The following PRKG1 variants were observed in gnomAD, a reference collection of about 807,000 sequenced individuals.
PRKG1 encodes protein kinase cGMP-dependent 1, also known as cGMP-dependent protein kinase 1.
PRKG1 carries 35 observed loss-of-function variants against 88.1 expected under a neutral mutation model. The observed-to-expected ratio is 0.40, with a 90% confidence interval of 0.30 to 0.53. The LOEUF (loss-of-function observed/expected upper bound fraction) is 0.53. PRKG1 is among the 20% of genes least tolerant of loss of function. The pLI is 0.59. For missense variants in PRKG1, 540 were observed against 839.8 expected (o/e 0.64, Z 4.41); for synonymous variants, 303 against 292.5 (o/e 1.04, Z -0.37).
chr10:51,170,892 C>T (rs967201796), intron 2 of PRKG1, among the ~76,000 whole-genome samples: 1 of 151,974 alleles, frequency 6.6e-6, no homozygotes, highest in African/African-American at 2.4e-5. Context: ...AGGATTTGAG[C>T]AAAAGAGCAC....
intron 4 of PRKG1, among the ~76,000 whole-genome samples, chr10:51,848,869 A>G (rs970667910): frequency 6.8e-6 from 1 of 146,898 alleles, no homozygotes; most frequent in African/African-American, 2.6e-5. Context: ...TTTTTTTTTA[A>G]CACTTTCTGT....
chr10:51,891,903 G>A (rs368776686), intron 4 of PRKG1, among the ~76,000 whole-genome samples: 80 of 152,270 alleles, frequency 5.3e-4, no homozygotes, highest in Non-Finnish European at 7.6e-4. Flanking sequence ...TTGTAAATGC[G>A]TCTGTGAAGA....
chr10:51,202,524 T>C (rs1427713656), intron 2 of PRKG1, among the ~76,000 whole-genome samples: 1 of 152,096 alleles, frequency 6.6e-6, no homozygotes, highest in Non-Finnish European at 1.5e-5. Flanking sequence ...GAAAACCCCA[T>C]TTTAGACAGA....
At chr10:51,225,597 A>G (rs1410084807) in intron 2 of PRKG1, among the ~76,000 whole-genome samples, 1 of 152,164 alleles carries the variant, frequency 6.6e-6, no homozygotes, top group Non-Finnish European at 1.5e-5. Flanking sequence ...TGCCATTGCT[A>G]AAGTAGAAAA....
chr10:51,600,580 G>T (rs7911689), intron 3 of PRKG1, among the ~76,000 whole-genome samples: 9,777 of 152,104 alleles, frequency 0.064, 1,016 homozygotes, highest in African/African-American at 0.22. Context: ...TTAATAACGT[G>T]CTATCTCACC....
intron 3 of PRKG1, among the ~76,000 whole-genome samples, chr10:51,476,979 A>G (rs1340929678): frequency 6.6e-6 from 1 of 151,970 alleles, no homozygotes; most frequent in African/African-American, 2.4e-5. Context: ...CGATACTACA[A>G]TTGCATAGGT....
chr10:51,585,673 G>A (rs1046734290), intron 3 of PRKG1, among the ~76,000 whole-genome samples: 21 of 152,058 alleles, frequency 1.4e-4, no homozygotes, highest in East Asian at 3.9e-4. Flanking sequence ...GAACTTGTAC[G>A]TTCATCACAG....
intron 2 of PRKG1, among the ~76,000 whole-genome samples, chr10:51,322,308 A>G (rs543004087): frequency 2.0e-5 from 3 of 152,330 alleles, no homozygotes; most frequent in Non-Finnish European, 4.4e-5. Flanking sequence ...AACTTGAGCA[A>G]ATGCAATCAG....
intron 4 of PRKG1, among the ~76,000 whole-genome samples, chr10:51,904,551 A>C (rs1401648644): frequency 6.6e-6 from 1 of 152,118 alleles, no homozygotes; most frequent in Admixed American, 6.6e-5. Flanking sequence ...TAGTGTTTGC[A>C]GAATATAAAT....
At chr10:51,422,498 C>G (rs919017316) in intron 2 of PRKG1, among the ~76,000 whole-genome samples, 1 of 152,164 alleles carries the variant, frequency 6.6e-6, no homozygotes, top group Admixed American at 6.5e-5. Flanking sequence ...TGTCCCAACT[C>G]CAGGCAGCTC....
chr10:52,244,850 ATTTT>A (rs66599448), intron 9 of PRKG1, among the ~76,000 whole-genome samples: 3 of 132,800 alleles, frequency 2.3e-5, no homozygotes, highest in African/African-American at 2.9e-5. Context: ...ATATTTAAAT[ATTTT>A]TATATATTTA....
intron 5 of PRKG1, among the ~76,000 whole-genome samples, chr10:51,966,016 T>A (rs1331955940): frequency 6.6e-6 from 1 of 152,190 alleles, no homozygotes; most frequent in African/African-American, 2.4e-5. Context: ...TATATAGTTA[T>A]GCACCAAGAA....
At chr10:51,336,532 G>C (rs1841881260) in intron 2 of PRKG1, among the ~76,000 whole-genome samples, 1 of 152,020 alleles carries the variant, frequency 6.6e-6, no homozygotes, top group South Asian at 2.1e-4. Flanking sequence ...ATTGATCATG[G>C]CCTCCATTTT....
intron 7 of PRKG1, among the ~76,000 whole-genome samples, chr10:52,096,816 T>A (rs982600512): frequency 6.6e-5 from 10 of 152,168 alleles, no homozygotes; most frequent in African/African-American, 2.4e-4. Context: ...TGGGCTATTA[T>A]TTAATACCTA....
chr10:51,861,556 G>A (rs1419825916), intron 4 of PRKG1, among the ~76,000 whole-genome samples: 1 of 151,876 alleles, frequency 6.6e-6, no homozygotes, highest in African/African-American at 2.4e-5. Context: ...TTGTAATTTT[G>A]TAATAATGAC....
At chr10:51,891,902 C>G (rs537221050) in intron 4 of PRKG1, among the ~76,000 whole-genome samples, 5 of 152,148 alleles carry the variant, frequency 3.3e-5, no homozygotes, top group African/African-American at 1.2e-4. Flanking sequence ...TTTGTAAATG[C>G]GTCTGTGAAG....
intron 5 of PRKG1, among the ~76,000 whole-genome samples, chr10:51,969,972 CTGTT>C (rs1021034729): frequency 6.7e-5 from 10 of 150,260 alleles, no homozygotes; most frequent in African/African-American, 2.2e-4. Context: ...AAATTTTACT[CTGTT>C]TGCTTTATTT....
chr10:51,406,617 GTTTGTT>G (rs1271788979), intron 2 of PRKG1, among the ~76,000 whole-genome samples: 1 of 78,012 alleles, frequency 1.3e-5, no homozygotes, highest in Non-Finnish European at 2.6e-5. Flanking sequence ...TAAGCATTAT[GTTTGTT>G]TTTTTTTTTT....
intron 3 of PRKG1, among the ~76,000 whole-genome samples, chr10:51,569,467 C>T (rs572073872): frequency 1.5e-4 from 23 of 152,106 alleles, no homozygotes; most frequent in South Asian, 2.1e-4. Flanking sequence ...AAATAATGAA[C>T]TATAATATTA....
Sources: gnomAD v4.1 joint callset for allele counts (sites outside exome capture counted in the v4.1 genomes callset) on GRCh38, gnomAD v4.1.1 for gene constraint, MANE v1.5 for transcripts, NCBI Gene and HGNC (gene_info 2026-07-23, HGNC 2026-07-21) for gene names.